FRY: variants seen among roughly 807,000 people sequenced by gnomAD.
The protein encoded by FRY is FRY microtubule binding protein.
Under a neutral mutation model 348.4 loss-of-function variants are expected in FRY, and 128 were observed. The ratio of observed to expected loss-of-function variants is 0.37; its 90% CI spans 0.32 to 0.43. FRY has a LOEUF of 0.43. FRY is among the 20% of genes least tolerant of loss of function. The probability of loss-of-function intolerance (pLI) is 1.00; values close to 1 mark genes in which losing one functional copy is unlikely to be tolerated. For synonymous variants in FRY, 1,370 were observed against 1,374.7 expected (o/e 1.00, Z 0.08); for missense variants, 2,736 against 3,695.2 (o/e 0.74, Z 6.73).
At chr13:32,211,589 G>A (rs1025049824) in intron 34 of FRY, among the ~76,000 whole-genome samples, 1 of 152,168 alleles carries the variant, frequency 6.6e-6, no homozygotes, top group Non-Finnish European at 1.5e-5. Flanking sequence ...TCCCAGCCAG[G>A]ACATTGCAGT....
chr13:32,251,386 A>C (rs550695025), intron 49 of FRY, among the ~76,000 whole-genome samples: 1 of 152,358 alleles, frequency 6.6e-6, no homozygotes, highest in East Asian at 1.9e-4. Flanking sequence ...CTATTTGAGA[A>C]AAAGAGACTC....
intron 2 of FRY, among the ~76,000 whole-genome samples, chr13:32,088,030 A>G (rs886628493): frequency 2.0e-5 from 3 of 152,306 alleles, no homozygotes; most frequent in Admixed American, 1.3e-4. Context: ...CTACATGCCA[A>G]TCTTCCTATA....
chr13:32,189,091 G>GTA (rs1327037936), intron 28 of FRY, among the ~76,000 whole-genome samples: 1 of 152,034 alleles, frequency 6.6e-6, no homozygotes, highest in Admixed American at 6.5e-5. Flanking sequence ...TTTTCTATTT[G>GTA]TAAACTGCTA....
chr13:32,251,306 A>G (rs1887069263), intron 49 of FRY, among the ~76,000 whole-genome samples: 1 of 152,236 alleles, frequency 6.6e-6, no homozygotes, highest in Admixed American at 6.5e-5. Context: ...AACTTTAGGA[A>G]GAAGAAACTA....
intron 58 of FRY, among the ~76,000 whole-genome samples, chr13:32,282,704 T>G (rs1162174033): frequency 2.6e-5 from 4 of 152,252 alleles, no homozygotes; most frequent in Non-Finnish European, 5.9e-5. Flanking sequence ...TTCTAGTTTT[T>G]CTTCTATTCT....
intron 47 of FRY, 52 bp downstream of exon 47, chr13:32,244,234 G>T (rs1408751136): frequency 1.3e-6 from 2 of 1,538,178 alleles, no homozygotes; most frequent in African/African-American, 1.4e-5. Context: ...AAAAGATGGA[G>T]GCTTTTCCTG....
At chr13:32,136,653 A>G (rs975265930) in intron 10 of FRY, among the ~76,000 whole-genome samples, 9 of 152,236 alleles carry the variant, frequency 5.9e-5, no homozygotes, top group Middle Eastern at 3.2e-3. Flanking sequence ...CACGCTATCC[A>G]TAATTCTTGG....
intron 24 of FRY, 24 bp downstream of exon 24, chr13:32,183,058 T>G (rs768535887): frequency 1.9e-5 from 28 of 1,479,458 alleles, no homozygotes; most frequent in Non-Finnish European, 2.5e-5. Flanking sequence ...TTTAAAAAAT[T>G]AAGGCTTGGT....
chr13:32,067,158 C>A (rs527827136), intron 1 of FRY, among the ~76,000 whole-genome samples: 1 of 152,256 alleles, frequency 6.6e-6, no homozygotes, highest in East Asian at 1.9e-4. Context: ...TTGGCAGATG[C>A]CTCTCTGTAC....
At chr13:32,295,097 T>C (rs1889567403) in intron 60 of FRY, 105 bp from the exon 61 acceptor site, 1 of 1,028,404 alleles carries the variant, frequency 9.7e-7, no homozygotes, top group Admixed American at 1.7e-5. Flanking sequence ...TCCATCTCAA[T>C]AAAGCCTTTT....
Position 32,175,625 on chromosome 13 carries a change from C to T in FRY, c.2414C>T (p.Ser805Leu), listed in dbSNP as rs200692607. The change falls in exon 20 of 61, where the codon TCG (serine) becomes TTG (leucine). Residue 805 changes from serine (S) to leucine (L), a missense_variant. By Grantham distance (145) the Ser-to-Leu change is moderately radical. Transcript: ENST00000542859. ...GAAAGTTTTATTCATGTAGCAGTTT[C>T]GGATTCAGTAAGTACACATTTGATT... The part of the protein sequence containing the change: ...ILESFIHVAV[S>L]DSATLPLTHN... The T allele has an allele frequency of 1.9e-5, 30 of 1,573,578 alleles. No homozygotes were observed. Among genetic ancestry groups the T allele is most frequent in the East Asian group, 4.5e-5 (2 of 44,678 alleles).
At chr13:32,187,177 G>A (rs573863669) in intron 27 of FRY, among the ~76,000 whole-genome samples, 3 of 152,092 alleles carry the variant, frequency 2.0e-5, no homozygotes, top group South Asian at 4.1e-4. Flanking sequence ...AGCAAAATTC[G>A]AAAAGCTATA....
chr13:32,293,945 T>C (rs1889502126), intron 59 of FRY, among the ~76,000 whole-genome samples: 1 of 152,206 alleles, frequency 6.6e-6, no homozygotes, highest in African/African-American at 2.4e-5. Context: ...ATGGCTATTA[T>C]CTTCAGTCTC....
At position 32,295,970 on chromosome 13, in the gene FRY, C is replaced by T. The variant is rs183642797; in HGVS notation, c.*510C>T. ...GCAAAATGAAGCTGGCCACTGAAAA[C>T]TGTAAGATGGTCAAAAGCTGACAGC... On this transcript the variant is annotated 3_prime_UTR_variant, in exon 61 of 61. Coordinates refer to ENST00000542859, the MANE Select transcript of FRY (RefSeq NM_023037.3). The T allele has an allele frequency of 4.1e-5, 7 of 169,896 alleles. No homozygotes were observed. The East Asian group carries it at 1.1e-3, about 27-fold the overall frequency. The allele number at this position is 169,896 out of a possible 1,614,324, so 10.5% of individuals were successfully genotyped here.
chr13:32,250,224 G>A (rs1268539386), intron 49 of FRY, among the ~76,000 whole-genome samples: 1 of 152,248 alleles, frequency 6.6e-6, no homozygotes, highest in Non-Finnish European at 1.5e-5. Flanking sequence ...TAGCAGAGAT[G>A]CCATTGGGCT....
intron 11 of FRY, among the ~76,000 whole-genome samples, chr13:32,144,592 C>T (rs574703394): frequency 7.2e-5 from 11 of 151,906 alleles, no homozygotes; most frequent in Admixed American, 2.0e-4. Flanking sequence ...TAAACAATTA[C>T]GAATTCTATA....
At chr13:32,263,840 C>T (rs984906432) in intron 53 of FRY, among the ~76,000 whole-genome samples, 1 of 152,134 alleles carries the variant, frequency 6.6e-6, no homozygotes, top group Non-Finnish European at 1.5e-5. Flanking sequence ...AACCCTGTCT[C>T]TACTAAAAAC....
intron 55 of FRY, among the ~76,000 whole-genome samples, chr13:32,272,037 C>T (rs1276624706): frequency 6.6e-6 from 1 of 152,140 alleles, no homozygotes; most frequent in East Asian, 1.9e-4. Context: ...AAATGCATAC[C>T]TCCTATTTTG....
At chr13:32,255,707 G>A (rs968496436) in intron 51 of FRY, among the ~76,000 whole-genome samples, 3 of 152,206 alleles carry the variant, frequency 2.0e-5, no homozygotes, top group Non-Finnish European at 4.4e-5. Context: ...ATAAATGATA[G>A]AGAAAGCATT....
Sources: allele counts gnomAD v4.1 joint callset (sites outside exome capture counted in the v4.1 genomes callset), GRCh38; gene constraint gnomAD v4.1.1; transcripts MANE v1.5; gene names NCBI Gene and HGNC (gene_info 2026-07-23, HGNC 2026-07-21).